INTU: variants seen among roughly 807,000 people sequenced by gnomAD.
The protein encoded by INTU is protein inturned.
In INTU, 68 loss-of-function variants were observed where a neutral mutation model predicts 100.5. The observed-to-expected ratio is 0.68, with a 90% CI of 0.56 to 0.83. The LOEUF is 0.83. Ranked by LOEUF, INTU falls within the 40% of genes least tolerant of loss-of-function variation. The pLI is 0.00. For missense variants in INTU, 1,071 were observed against 1,114.7 expected, an observed-to-expected ratio of 0.96 and a Z score of 0.56; for synonymous variants, 357 against 395.7, an observed-to-expected ratio of 0.90 and a Z score of 1.16.
At chr4:127,676,340 C>G (rs1042251479) in intron 6 of INTU, among the ~76,000 whole-genome samples, 3 of 152,106 alleles carry the variant, frequency 2.0e-5, no homozygotes, top group Non-Finnish European at 2.9e-5. Context: ...AATCCTAGCA[C>G]TTTGGGAGGC....
chr4:127,637,439 C>T lies in INTU; in HGVS notation c.146+4259C>T, dbSNP rs180708137. Among the ~76,000 whole-genome samples, 298 of 152,334 alleles carry T rather than the reference C, an allele frequency of 2.0e-3. 1 individual carries two copies. The highest frequency in any genetic ancestry group is 0.013 in the East Asian group (69 of 5,192). On this transcript the variant is annotated intron_variant, in intron 1 of 15. Transcript: ENST00000335251. ...GTTCATTATTGAAAATGATTATCCACTTATTCTCAAATTGACCACTTGCTT... is the reference window on the plus strand; with the variant it reads ...GTTCATTATTGAAAATGATTATCCATTTATTCTCAAATTGACCACTTGCTT...
rs911379401 is a variant in INTU at position 127,669,108 on chromosome 4, A to G, written c.1045A>G (p.Thr349Ala). 2.6e-6 allele frequency: 4 copies of G among 1,549,702 alleles called. No individual in the cohort carries two copies. In the African/African-American group the frequency reaches 4.1e-5, roughly 16 times the overall value. ...TAAAAGTGTGAGAGGGATTTTTCTCACACTCTGTGACATGCTGGAAAACGT... is the reference window on the plus strand; with the variant it reads ...TAAAAGTGTGAGAGGGATTTTTCTCGCACTCTGTGACATGCTGGAAAACGT... ...KLKSVRGIFL[T>A]LCDMLENVTG... is the part of the protein sequence containing the mutation. Residue 349 changes from threonine to alanine, a missense_variant, in exon 5 of 16, where the codon ACA (threonine) becomes GCA (alanine). Coordinates refer to ENST00000335251, the MANE Select transcript of INTU (RefSeq NM_015693.4).
chr4:127,678,772 G>T (rs1729364001), intron 6 of INTU, among the ~76,000 whole-genome samples: 1 of 152,176 alleles, frequency 6.6e-6, no homozygotes, highest in South Asian at 2.1e-4. Context: ...AAATGTAAAT[G>T]CACTAAATGC....
rs774191925 is a variant in INTU at position 127,714,102 on chromosome 4, GA to G, written c.2717+17del. The G allele has an allele frequency of 1.3e-5, 21 of 1,587,544 alleles. No homozygotes were observed. The highest frequency in any genetic ancestry group is 2.2e-5 in the East Asian group (1 of 44,560). On this transcript the variant is annotated intron_variant, in intron 15 of 15. Coordinates refer to ENST00000335251, the MANE Select transcript of INTU (RefSeq NM_015693.4). ...GCTTACTGGGTAGTAGGGTAAGTGA[GA>G]AAAAAAAGTATTTGAAAGTAAAGTG...
chr4:127,655,116 A>G (rs906354288), intron 2 of INTU, among the ~76,000 whole-genome samples: 4 of 152,092 alleles, frequency 2.6e-5, no homozygotes, highest in African/African-American at 9.7e-5. Context: ...TTCTAGTTAT[A>G]CATTCATCTA....
At chr4:127,709,436 C>A (rs903608492) in intron 13 of INTU, among the ~76,000 whole-genome samples, 1 of 152,114 alleles carries the variant, frequency 6.6e-6, no homozygotes, top group African/African-American at 2.4e-5. Context: ...ATAACACTCT[C>A]TTTAGAAAAT....
chr4:127,663,701 C>T, intron 4 of INTU, 117 bp downstream of exon 4: 1 of 712,516 alleles, frequency 1.4e-6, no homozygotes, highest in Non-Finnish European at 2.3e-6. Context: ...AAGCAAGAGA[C>T]AAAAATGAAT....
chr4:127,705,601 T>C lies in INTU; in HGVS notation c.1577T>C (p.Ile526Thr). Residue 526 changes from isoleucine to threonine, a missense_variant, in exon 11 of 16, where the codon ATA becomes ACA. Coordinates refer to ENST00000335251, the MANE Select transcript of INTU (RefSeq NM_015693.4). ...GTGGTTAAATTCAAGGGTTATTTGA[T>C]ATGCAGTCATTTGCCCAAGGATGAT... ...GSSLFYKGYL[I>T]CSHLPKDDLI... 6.2e-7 allele frequency: 1 copy of C among 1,613,402 alleles called. No individual in the cohort carries two copies. Among genetic ancestry groups the C allele is most frequent in the South Asian group, 1.1e-5 (1 of 91,052 alleles).
intron 10 of INTU, 80 bp from the exon 11 acceptor site, chr4:127,705,511 T>C: frequency 9.9e-7 from 1 of 1,014,284 alleles, no homozygotes; most frequent in Non-Finnish European, 1.5e-6. Flanking sequence ...GGAAGAAGTG[T>C]CTATGAAACT....
chr4:127,658,343 G>A (rs947360447), intron 3 of INTU, among the ~76,000 whole-genome samples: 1 of 152,212 alleles, frequency 6.6e-6, no homozygotes, highest in Non-Finnish European at 1.5e-5. Context: ...ATGGGGTGGT[G>A]TTTGAAATAG....
rs1481378123 is a variant in INTU at position 127,723,121 on chromosome 4, T to G, written c.*6685T>G. 1 of 152,194 alleles carries G rather than the reference T, an allele frequency of 6.6e-6. No individual in the cohort carries two copies. Among genetic ancestry groups the G allele is most frequent in the Non-Finnish European group, 1.5e-5 (1 of 68,080 alleles). The allele number at this position is 152,194 out of a possible 1,614,324, so 9.4% of individuals were successfully genotyped here. ...GCAAGGATCTGTGGGAAAAGCCTGG[T>G]TTTCAGGGAGGGGAAGCAAAATCCT... is the stretch of plus-strand genomic sequence containing the variant. On this transcript the variant is annotated 3_prime_UTR_variant, in exon 16 of 16. Transcript: ENST00000335251.
Position 127,700,008 on chromosome 4 carries a change from A to G in INTU, c.1450-2A>G. On this transcript the variant is annotated splice_acceptor_variant, in intron 8 of 15. Coordinates refer to ENST00000335251, the MANE Select transcript of INTU (RefSeq NM_015693.4). LOFTEE classifies it high-confidence loss of function. ...GTTACTCTTTTTTTTTTTTTAACAT[A>G]GATGGAATTAGACATGGCATTAAGT... 6.4e-7 allele frequency: 1 copy of G among 1,570,472 alleles called. No individual in the cohort carries two copies. The highest frequency in any genetic ancestry group is 8.6e-7 in the Non-Finnish European group (1 of 1,161,262).
chr4:127,642,395 C>T (rs1259459789), intron 1 of INTU, among the ~76,000 whole-genome samples: 1 of 152,078 alleles, frequency 6.6e-6, no homozygotes, highest in East Asian at 1.9e-4. Context: ...CAGCCACAGA[C>T]CAGGGCAGTG....
intron 1 of INTU, among the ~76,000 whole-genome samples, chr4:127,638,019 T>G (rs1034446564): frequency 6.6e-6 from 1 of 152,218 alleles, no homozygotes; most frequent in Admixed American, 6.5e-5. Context: ...CCTAAGCTGC[T>G]ATATCATCCA....
intron 2 of INTU, among the ~76,000 whole-genome samples, chr4:127,655,509 G>T (rs1008439188): frequency 4.6e-5 from 7 of 151,348 alleles, no homozygotes; most frequent in African/African-American, 1.7e-4. Flanking sequence ...TCCCCTGCTG[G>T]GGGGTGCCTC....
chr4:127,679,443 A>G (rs1292276838), intron 6 of INTU, among the ~76,000 whole-genome samples: 2 of 152,224 alleles, frequency 1.3e-5, no homozygotes, highest in Non-Finnish European at 2.9e-5. Flanking sequence ...CTCAGGATTA[A>G]GAAACTCACT....
intron 8 of INTU, among the ~76,000 whole-genome samples, chr4:127,691,585 C>T (rs1284708648): frequency 1.3e-5 from 2 of 151,828 alleles, no homozygotes; most frequent in Non-Finnish European, 2.9e-5. Flanking sequence ...TTTGTTAAGG[C>T]CTTTGGCCCA....
rs989716047 is a variant in INTU, at chr4:127,681,282, G to C, written c.1182-3127G>C. Among the ~76,000 whole-genome samples the C allele has an allele frequency of 6.8e-3, 1,032 of 152,124 alleles. 10 individuals are homozygous for C. Among genetic ancestry groups the C allele is most frequent in the Non-Finnish European group, 0.012 (814 of 67,964 alleles). On this transcript the variant is annotated intron_variant, in intron 6 of 15. Transcript: ENST00000335251. Reference sequence around the variant, plus strand: ...AAGTTCAAATGGAACCAAAAAAGAGGCCGCATCGCCAAGTCAATCCTAAGC... The same window carrying C: ...AAGTTCAAATGGAACCAAAAAAGAGCCCGCATCGCCAAGTCAATCCTAAGC...
At chr4:127,669,290 TA>T in intron 5 of INTU, 136 bp downstream of exon 5, 1 of 444,534 alleles carries the variant, frequency 2.2e-6, no homozygotes, top group Admixed American at 3.9e-5. Flanking sequence ...TTATAGTCTA[TA>T]ATGTATGTAT....
Sources: gnomAD v4.1 joint callset for allele counts (sites outside exome capture counted in the v4.1 genomes callset) on GRCh38, gnomAD v4.1.1 for gene constraint, MANE v1.5 for transcripts, NCBI Gene and HGNC (gene_info 2026-07-23, HGNC 2026-07-21) for gene names.